STARD9: variants seen among roughly 807,000 people sequenced by gnomAD.
STARD9 encodes the protein stAR-related lipid transfer protein 9.
Under a neutral mutation model 399.8 loss-of-function variants are expected in STARD9, and 346 were observed. The ratio of observed to expected loss-of-function variants is 0.87; its 90% CI spans 0.79 to 0.95. STARD9 has a LOEUF of 0.95. Ranked by LOEUF, STARD9 falls within the 40% of genes least tolerant of loss-of-function variation. STARD9 has a pLI of 0.00. For synonymous variants in STARD9, 2,203 were observed against 2,143.5 expected, an observed-to-expected ratio of 1.03 and a Z score of -0.77; for missense variants, 5,832 against 5,667.5, an observed-to-expected ratio of 1.03 and a Z score of -0.93.
At position 42,688,740 on chromosome 15, in the gene STARD9, A is replaced by G; in HGVS notation, c.7162A>G (p.Arg2388Gly). ...GCATCAGGACCAGAGTACGGAGACC[A>G]GAAGCCACAGCCCCGAAGGAAATGT... ...VEHQDQSTET[R>G]SHSPEGNVRG... The change falls in exon 23 of 33, where the codon AGA (arginine) becomes GGA (glycine). Residue 2388 changes from arginine (R) to glycine (G), a missense_variant. Arg to Gly is a moderately radical substitution (Grantham distance 125). This residue lies in a region of STARD9 where 5,828 missense variants were observed against 5,651.1 expected (regional missense o/e 1.03). Transcript: ENST00000290607. The G allele has an allele frequency of 6.5e-7, 1 of 1,537,756 alleles. No homozygotes were observed. The highest frequency in any genetic ancestry group is 8.7e-7 in the Non-Finnish European group (1 of 1,147,026).
rs1192725165 is a variant in STARD9, at chr15:42,692,713, G to C, written c.11135G>C (p.Arg3712Thr). The change falls in exon 23 of 33, where the codon AGG becomes ACG. Residue 3712 changes from arginine to threonine, a missense_variant. By Grantham distance (71) the Arg-to-Thr change is moderately conservative. Around this residue, in one of 2 missense-constraint regions of STARD9, gnomAD observed 5,828 missense variants for 5,651.1 expected, o/e 1.03. Transcript: ENST00000290607. ...GCCAGAAGGGAGCAGAACACCAAGA[G>C]GGACATCCCAGATAAAGCCCCACAG... ...DVARREQNTK[R>T]DIPDKAPQAL... 4 of 1,537,100 alleles carry C rather than the reference G, an allele frequency of 2.6e-6. 1 individual carries two copies. The highest frequency in any genetic ancestry group is 2.7e-5 in the African/African-American group (2 of 73,120).
chr15:42,615,375 C>T (rs1466218736), intron 3 of STARD9, among the ~76,000 whole-genome samples: 2 of 151,960 alleles, frequency 1.3e-5, no homozygotes, highest in African/African-American at 4.8e-5. Flanking sequence ...AGTGATTGCT[C>T]GTAATAGTTG....
intron 16 of STARD9, among the ~76,000 whole-genome samples, chr15:42,673,666 A>G (rs2060248864): frequency 6.6e-6 from 1 of 152,230 alleles, no homozygotes; most frequent in Non-Finnish European, 1.5e-5. Context: ...AATGCCTAGG[A>G]CATATTGAAT....
chr15:42,633,843 C>A (rs1014530614), intron 3 of STARD9, among the ~76,000 whole-genome samples: 3 of 151,980 alleles, frequency 2.0e-5, no homozygotes, highest in African/African-American at 7.2e-5. Flanking sequence ...AGGGTTTCGC[C>A]ATGTTGGCCA....
chr15:42,689,433 G>C lies in STARD9; in HGVS notation c.7855G>C (p.Ala2619Pro), dbSNP rs971620861. 2.6e-6 allele frequency: 4 copies of C among 1,537,304 alleles called. No homozygotes were observed. The African/African-American group carries it at 5.5e-5, about 21-fold the overall frequency. Reference sequence around the variant, plus strand: ...GGGTGAAGCACCGGGATTTCATGTGGCATCTCTATCTGCTGAAGCAGGGCA... The same window carrying C: ...GGGTGAAGCACCGGGATTTCATGTGCCATCTCTATCTGCTGAAGCAGGGCA... Reference protein sequence around the residue: ...NEGEAPGFHVASLSAEAGQID... With the variant: ...NEGEAPGFHVPSLSAEAGQID... Residue 2619 changes from alanine to proline, a missense_variant, in exon 23 of 33, where the codon GCA becomes CCA. By Grantham distance (27) the Ala-to-Pro change is conservative. Coordinates refer to ENST00000290607, the MANE Select transcript of STARD9 (RefSeq NM_020759.3).
intron 3 of STARD9, among the ~76,000 whole-genome samples, chr15:42,589,607 C>CTT (rs754803358): frequency 3.6e-5 from 5 of 140,108 alleles, no homozygotes; most frequent in Admixed American, 7.2e-5. Context: ...TGAGATTCAT[C>CTT]TTTTTTTTTT....
chr15:42,595,692 G>A (rs2058488527), intron 3 of STARD9, among the ~76,000 whole-genome samples: 1 of 152,204 alleles, frequency 6.6e-6, no homozygotes, highest in South Asian at 2.1e-4. Flanking sequence ...TATTTGCAGA[G>A]CTTTGTACAT....
In STARD9 at chr15:42,686,749, A is replaced by G; in HGVS notation, c.5171A>G (p.Glu1724Gly). The G allele has an allele frequency of 6.5e-7, 1 of 1,537,516 alleles. No homozygotes were observed. Among genetic ancestry groups the G allele is most frequent in the Non-Finnish European group, 8.7e-7 (1 of 1,146,958 alleles). Reference sequence around the variant, plus strand: ...TCCTTTGCCCTTCCTTCAGGTCCAGAGCTATACCTTCACTCTGCTCCCTGG... The same window carrying G: ...TCCTTTGCCCTTCCTTCAGGTCCAGGGCTATACCTTCACTCTGCTCCCTGG... ...NVSFALPSGP[E>G]LYLHSAPWNP... Residue 1724 changes from glutamate (E) to glycine (G), a missense_variant, in exon 23 of 33, where the codon GAG (glutamate) becomes GGG (glycine). Transcript: ENST00000290607.
rs2060089426 is a variant in STARD9 at position 42,665,794 on chromosome 15, C to G, written c.1263C>G (p.Phe421Leu). 2 of 1,537,164 alleles carry G rather than the reference C, an allele frequency of 1.3e-6. No homozygotes were observed. Residue 421 changes from phenylalanine (F) to leucine (L), a missense_variant, in exon 15 of 33, where the codon TTC becomes TTG. Phe to Leu is a conservative substitution (Grantham distance 22). This residue lies in a region of STARD9 where 5,828 missense variants were observed against 5,651.1 expected (regional missense o/e 1.03). Coordinates refer to ENST00000290607, the MANE Select transcript of STARD9 (RefSeq NM_020759.3). ...TCTCTATCTTTGTGCAGAGAAACTT[C>G]AGTTCATTGAGTGATGAAAACCTGA... The part of the protein sequence containing the change: ...ALLLSFELRN[F>L]SSLSDENLKE...
rs568138570 is a variant in STARD9 at position 42,632,237 on chromosome 15, C to G, written c.235-2619C>G. ...GTTTTTGTCTTGAAATCTATTTTTT[C>G]TGATACACATGTAGCTACTTCTCTT... On this transcript the variant is annotated intron_variant, in intron 3 of 32. Coordinates refer to ENST00000290607, the MANE Select transcript of STARD9 (RefSeq NM_020759.3). Among the ~76,000 whole-genome samples the G allele has an allele frequency of 5.3e-4, 80 of 152,202 alleles. 1 individual carries two copies. The South Asian group carries it at 0.017, about 32-fold the overall frequency.
chr15:42,716,872 G>C, intron 27 of STARD9, 55 bp from the exon 28 acceptor site: 1 of 1,534,958 alleles, frequency 6.5e-7, no homozygotes, highest in Non-Finnish European at 8.7e-7. Flanking sequence ...AGCTGTTGCT[G>C]TCCTGAGGCC....
At chr15:42,673,957 C>T (rs754584400) in intron 16 of STARD9, 8 of 456,328 alleles carry the variant, frequency 1.8e-5, no homozygotes, top group Non-Finnish European at 3.5e-5. Flanking sequence ...ATCTGCGGAC[C>T]AAGAAGGTAA....
intron 23 of STARD9, 56 bp from the exon 24 acceptor site, chr15:42,694,472 G>A (rs773076615): frequency 7.9e-5 from 120 of 1,528,226 alleles, no homozygotes; most frequent in Middle Eastern, 1.7e-4. Flanking sequence ...GTCAGAGATA[G>A]ATCTTAAAGT....
chr15:42,625,726 C>T (rs1018546875), intron 3 of STARD9, among the ~76,000 whole-genome samples: 4 of 146,660 alleles, frequency 2.7e-5, no homozygotes, highest in African/African-American at 1.0e-4. Flanking sequence ...TTTTTAATAG[C>T]AATTTCAGTT....
At chr15:42,664,798 A>G (rs1011322235) in intron 13 of STARD9, among the ~76,000 whole-genome samples, 1 of 143,682 alleles carries the variant, frequency 7.0e-6, no homozygotes, top group Non-Finnish European at 1.5e-5. Flanking sequence ...TAACACACAC[A>G]CACACACACA....
chr15:42,652,366 A>G (rs1335975537), intron 8 of STARD9, among the ~76,000 whole-genome samples, 154 bp from the exon 9 acceptor site: 2 of 151,936 alleles, frequency 1.3e-5, no homozygotes, highest in Non-Finnish European at 2.9e-5. Context: ...CCCTCTTTGG[A>G]CTATTCTCTT....
chr15:42,663,065 C>T, intron 11 of STARD9, 174 bp downstream of exon 11: 1 of 688,084 alleles, frequency 1.5e-6, no homozygotes, highest in East Asian at 2.7e-5. Context: ...GTCCTACTAC[C>T]ATCATTTCTC....
At chr15:42,613,332 A>G (rs1404837685) in intron 3 of STARD9, among the ~76,000 whole-genome samples, 1 of 152,186 alleles carries the variant, frequency 6.6e-6, no homozygotes, top group Non-Finnish European at 1.5e-5. Flanking sequence ...AAAGGTAATA[A>G]AAGAGTAGCA....
chr15:42,584,134 T>G (rs2141664301), intron 2 of STARD9, among the ~76,000 whole-genome samples: 1 of 152,030 alleles, frequency 6.6e-6, no homozygotes, highest in South Asian at 2.1e-4. Flanking sequence ...CCATGTGACT[T>G]TTGCTATAGT....
Sources: gnomAD v4.1 joint callset for allele counts (sites outside exome capture counted in the v4.1 genomes callset) on GRCh38, gnomAD v4.1.1 for gene constraint, gnomAD v4.1.1 regional missense constraint, MANE v1.5 for transcripts, NCBI Gene and HGNC (gene_info 2026-07-23, HGNC 2026-07-21) for gene names.